The following GPR4 variants were observed in gnomAD, a reference collection of about 807,000 sequenced individuals.
The protein encoded by GPR4 is G-prodeshotein coupled receptor 4.
Under a neutral mutation model 17.8 loss-of-function variants are expected in GPR4, and 11 were observed. The ratio of observed to expected loss-of-function variants is 0.62; its 90% CI spans 0.39 to 1.02. The LOEUF (loss-of-function observed/expected upper bound fraction) is 1.02. Ranked by LOEUF, GPR4 falls within the 50% of genes least tolerant of loss-of-function variation. GPR4 has a pLI of 0.00. For synonymous variants in GPR4, 219 were observed against 222.8 expected (o/e 0.98, Z 0.15); for missense variants, 364 against 495.4 (o/e 0.73, Z 2.52).
At chr19:45,596,067 C>T (rs1241089233) in intron 1 of GPR4, among the ~76,000 whole-genome samples, 2 of 152,184 alleles carry the variant, frequency 1.3e-5, no homozygotes, top group African/African-American at 4.8e-5. Flanking sequence ...CTGCCACTGT[C>T]CACTCTGCGT....
At chr19:45,593,758 C>G (rs1970023231) in intron 1 of GPR4, among the ~76,000 whole-genome samples, 1 of 151,970 alleles carries the variant, frequency 6.6e-6, no homozygotes, top group African/African-American at 2.4e-5. Context: ...GGGCTGGGGC[C>G]AGCCTCCCAC....
At chr19:45,601,100 G>C (rs984501352) in intron 1 of GPR4, among the ~76,000 whole-genome samples, 4 of 152,186 alleles carry the variant, frequency 2.6e-5, no homozygotes, top group African/African-American at 9.7e-5. Flanking sequence ...GGGCTCAGGA[G>C]GAGGGGGGCT....
At position 45,591,490 on chromosome 19, in the gene GPR4, G is replaced by T; in HGVS notation, c.377C>A (p.Ala126Asp). The T allele has an allele frequency of 6.2e-7, 1 of 1,610,962 alleles. No individual in the cohort carries two copies. The highest frequency in any genetic ancestry group is 8.5e-7 in the Non-Finnish European group (1 of 1,178,612). The change falls in exon 2 of 2, where the codon GCC becomes GAC. Residue 126 changes from alanine (A) to aspartate (D), a missense_variant. By Grantham distance (126) the Ala-to-Asp change is moderately radical. Coordinates refer to ENST00000323040, the MANE Select transcript of GPR4 (RefSeq NM_005282.3). This position sits in a 1 kb window ranked among gnomAD's most constrained non-coding sequence, Gnocchi z 7.6. ...YLAVAHPLRFARLRRVKTAVA... is the reference protein window; with the variant it reads ...YLAVAHPLRFDRLRRVKTAVA... ...GGCGGTCTTGACGCGGCGCAGGCGG[G>T]CGAAGCGGAGTGGGTGGGCCACAGC... is the stretch of plus-strand genomic sequence containing the variant.
rs1969999172 is a variant in GPR4, at chr19:45,591,772, A to G, written c.95T>C (p.Leu32Pro). The G allele has an allele frequency of 6.2e-7, 1 of 1,613,272 alleles. No individual in the cohort carries two copies. Among genetic ancestry groups the G allele is most frequent in the Non-Finnish European group, 8.5e-7 (1 of 1,179,774 alleles). The part of the protein sequence containing the change: ...SLYIFVIGVG[L>P]PTNCLALWAA... ...CCACAGAGCCAGGCAGTTGGTGGGCAGCCCCACGCCGATGACAAAGATGTA... is the reference window on the plus strand; with the variant it reads ...CCACAGAGCCAGGCAGTTGGTGGGCGGCCCCACGCCGATGACAAAGATGTA... The change falls in exon 2 of 2, where the codon CTG becomes CCG. Residue 32 changes from leucine (L) to proline (P), a missense_variant. Physicochemically the swap from Leu to Pro is moderately conservative, Grantham distance 98 (BLOSUM62 -3). Around this residue, in one of 3 missense-constraint regions of GPR4, gnomAD observed 271 missense variants for 373.1 expected, o/e 0.73. Transcript: ENST00000323040. The surrounding 1 kb of genome is among the most constrained non-coding windows in gnomAD (Gnocchi z 7.6).
At chr19:45,593,858 AT>A (rs1228858456) in intron 1 of GPR4, among the ~76,000 whole-genome samples, 2 of 151,398 alleles carry the variant, frequency 1.3e-5, no homozygotes, top group Non-Finnish European at 2.9e-5. Context: ...CATTCCAGGC[AT>A]TTTTATGCAT....
chr19:45,596,063 C>G (rs982634575), intron 1 of GPR4, among the ~76,000 whole-genome samples: 1 of 152,240 alleles, frequency 6.6e-6, no homozygotes, highest in Non-Finnish European at 1.5e-5. Flanking sequence ...ACGCCTGCCA[C>G]TGTCCACTCT....
intron 1 of GPR4, among the ~76,000 whole-genome samples, chr19:45,599,106 C>G (rs1485098827): frequency 6.6e-6 from 1 of 152,186 alleles, no homozygotes; most frequent in Non-Finnish European, 1.5e-5. Context: ...CAGGCCCCCA[C>G]TTCTTGGGTC....
chr19:45,598,913 T>G (rs1276234844), intron 1 of GPR4, among the ~76,000 whole-genome samples: 1 of 152,156 alleles, frequency 6.6e-6, no homozygotes, highest in Non-Finnish European at 1.5e-5. Flanking sequence ...TCTGAGAACC[T>G]ACTAGAAGAT....
intron 1 of GPR4, among the ~76,000 whole-genome samples, chr19:45,594,421 CA>C (rs11284570): frequency 0.39 from 29,761 of 75,686 alleles, 3,175 homozygotes; most frequent in Non-Finnish European, 0.41. Flanking sequence ...GACTCCGTCT[CA>C]AAAAAAAAAA....
chr19:45,591,536 T>C lies in GPR4; in HGVS notation c.331A>G (p.Ile111Val). The C allele has an allele frequency of 6.2e-7, 1 of 1,611,558 alleles. No individual in the cohort carries two copies. Among genetic ancestry groups the C allele is most frequent in the Non-Finnish European group, 8.5e-7 (1 of 1,179,370 alleles). The change falls in exon 2 of 2, where the codon ATC becomes GTC. Residue 111 changes from isoleucine to valine, a missense_variant. Ile to Val is a conservative substitution (Grantham distance 29). Coordinates refer to ENST00000323040, the MANE Select transcript of GPR4 (RefSeq NM_005282.3). The surrounding 1 kb of genome is among the most constrained non-coding windows in gnomAD (Gnocchi z 7.6). ...IYISIAFLCC[I>V]SVDRYLAVAH... ...ACAGCCAGGTAGCGGTCCACCGAGA[T>C]GCAGCACAGGAAGGCGATGCTGATG...
chr19:45,593,089 TG>T (rs1206948144), intron 1 of GPR4, among the ~76,000 whole-genome samples: 1 of 148,146 alleles, frequency 6.8e-6, no homozygotes, highest in Non-Finnish European at 1.5e-5. Flanking sequence ...TCACAGCTAC[TG>T]GGGAGGCTGA....
rs529132142 is a variant in GPR4, at chr19:45,589,916, C to T, written c.*862G>A. 1 of 152,414 alleles carries T rather than the reference C, an allele frequency of 6.6e-6. No homozygotes were observed. The highest frequency in any genetic ancestry group is 2.1e-4 in the South Asian group (1 of 4,826). The allele number at this position is 152,414 out of a possible 1,614,324, so 9.4% of individuals were successfully genotyped here. On this transcript the variant is annotated 3_prime_UTR_variant, in exon 2 of 2. Transcript: ENST00000323040. ...CTCTGTTGAATGAATGAATAAATAC[C>T]CTTTCTTCTTGTCCCACACCTTCTT...
In GPR4 at chr19:45,591,903, C is replaced by A. The variant is rs1454362205; in HGVS notation, c.-37G>T. 1 of 1,526,358 alleles carries A rather than the reference C, an allele frequency of 6.6e-7. No individual in the cohort carries two copies. The allele number at this position is 1,526,358 out of a possible 1,614,324, so 94.6% of individuals were successfully genotyped here. A position where few individuals can be genotyped will look rare whatever the true frequency, so the allele number is the denominator to read the frequency against. Reference sequence around the variant, plus strand: ...CGGCTTCTGGGGCGCTTCCCCTGGCCCACGGGGGCTGTGGGGCCACAGGGA... The same window carrying A: ...CGGCTTCTGGGGCGCTTCCCCTGGCACACGGGGGCTGTGGGGCCACAGGGA... On this transcript the variant is annotated 5_prime_UTR_variant, in exon 2 of 2. Transcript: ENST00000323040. This position sits in a 1 kb window ranked among gnomAD's most constrained non-coding sequence, Gnocchi z 7.6.
rs371114196 is a variant in GPR4 at position 45,590,979 on chromosome 19, A to T, written c.888T>A (p.Asp296Glu). ...GCAGGTTGTGCAGGGCCTTGGCCAC[A>T]TCGCTGCGGGCGCCCTCGTTGACCA... Reference protein sequence around the residue: ...YCLVNEGARSDVAKALHNLLR... With the variant: ...YCLVNEGARSEVAKALHNLLR... Residue 296 changes from aspartate (D) to glutamate (E), a missense_variant, in exon 2 of 2, where the codon GAT (aspartate) becomes GAA (glutamate). Around this residue, in one of 3 missense-constraint regions of GPR4, gnomAD observed 92 missense variants for 106.0 expected, o/e 0.87. Transcript: ENST00000323040. 3 of 1,613,854 alleles carry T rather than the reference A, an allele frequency of 1.9e-6. No homozygotes were observed. In the African/African-American group the frequency reaches 4.0e-5, roughly 22 times the overall value.
At chr19:45,595,527 G>A (rs567869339) in intron 1 of GPR4, among the ~76,000 whole-genome samples, 5 of 152,068 alleles carry the variant, frequency 3.3e-5, no homozygotes, top group African/African-American at 7.2e-5. Flanking sequence ...CCTTTCCCCC[G>A]CAATTTTCCT....
chr19:45,597,126 T>C (rs1202204121), intron 1 of GPR4, among the ~76,000 whole-genome samples: 15 of 152,052 alleles, frequency 9.9e-5, no homozygotes, highest in Admixed American at 9.8e-4. Flanking sequence ...TGGAGTGCAG[T>C]GGCACGATCT....
chr19:45,591,534 G>C lies in GPR4; in HGVS notation c.333C>G (p.Ile111Met). The C allele has an allele frequency of 6.2e-7, 1 of 1,613,862 alleles. No individual in the cohort carries two copies. Among genetic ancestry groups the C allele is most frequent in the Non-Finnish European group, 8.5e-7 (1 of 1,179,976 alleles). Residue 111 changes from isoleucine to methionine, a missense_variant, in exon 2 of 2, where the codon ATC becomes ATG. Transcript: ENST00000323040. The surrounding 1 kb of genome is among the most constrained non-coding windows in gnomAD (Gnocchi z 7.6). ...IYISIAFLCC[I>M]SVDRYLAVAH... Reference sequence around the variant, plus strand: ...CCACAGCCAGGTAGCGGTCCACCGAGATGCAGCACAGGAAGGCGATGCTGA... The same window carrying C: ...CCACAGCCAGGTAGCGGTCCACCGACATGCAGCACAGGAAGGCGATGCTGA...
Position 45,591,104 on chromosome 19 carries a change from G to T in GPR4, c.763C>A (p.Pro255Thr). 2 of 1,613,880 alleles carry T rather than the reference G, an allele frequency of 1.2e-6. No individual in the cohort carries two copies. Among genetic ancestry groups the T allele is most frequent in the Non-Finnish European group, 1.7e-6 (2 of 1,180,016 alleles). ...LSRSAIYLGR[P>T]WDCGFEERVF... is the part of the protein sequence containing the mutation. ...CGCTCCTCGAAGCCGCAGTCCCAGG[G>T]GCGGCCCAGGTAGATGGCGCTGCGG... The change falls in exon 2 of 2, where the codon CCC becomes ACC. Residue 255 changes from proline to threonine, a missense_variant. By Grantham distance (38) the Pro-to-Thr change is conservative (BLOSUM62 -1). Coordinates refer to ENST00000323040, the MANE Select transcript of GPR4 (RefSeq NM_005282.3). The surrounding 1 kb of genome is among the most constrained non-coding windows in gnomAD (Gnocchi z 7.6).
In GPR4 at chr19:45,595,311, ATAAATAAAAAAT is replaced by A. The variant is rs1568417608; in HGVS notation, c.-831-2626_-831-2615del. ...AATAAATAAATAAATAAATAAATAA[ATAAATAAAAAAT>A]AACTGGACAGAAAAGGGCCCTGGGC... On this transcript the variant is annotated intron_variant, in intron 1 of 1. Coordinates refer to ENST00000323040, the MANE Select transcript of GPR4 (RefSeq NM_005282.3). 2.1e-5 allele frequency among the ~76,000 whole-genome samples: 3 copies of A among 143,270 alleles called. No individual in the cohort carries two copies. In the East Asian group the frequency reaches 6.0e-4, roughly 29 times the overall value. The allele number at this position is 143,270 out of a possible 152,430, so 94.0% of individuals were successfully genotyped here.
Sources: allele counts gnomAD v4.1 joint callset (sites outside exome capture counted in the v4.1 genomes callset), GRCh38; gene constraint gnomAD v4.1.1; regional missense constraint gnomAD v4.1.1; non-coding constraint Gnocchi (gnomAD v3.1); transcripts MANE v1.5; gene names NCBI Gene and HGNC (gene_info 2026-07-23, HGNC 2026-07-21).